RPS6KC1: variants seen among roughly 807,000 people sequenced by gnomAD.
The protein encoded by RPS6KC1 is inactive ribosomal protein S6 kinase delta-1.
Under a neutral mutation model 103.8 loss-of-function variants are expected in RPS6KC1, and 54 were observed. The ratio of observed to expected loss-of-function variants is 0.52; its 90% CI spans 0.42 to 0.65. The LOEUF (loss-of-function observed/expected upper bound fraction) is 0.65, where lower values mean the gene tolerates loss of function less well. Among genes scored for constraint, RPS6KC1 ranks in the 30% least tolerant of loss-of-function variants. The pLI is 0.00. For synonymous variants in RPS6KC1, 439 were observed against 438.7 expected, an observed-to-expected ratio of 1.00 and a Z score of -0.01; for missense variants, 1,151 against 1,253.8, an observed-to-expected ratio of 0.92 and a Z score of 1.24.
At chr1:213,566,248 G>A in the RPS6KC1 span, among the ~76,000 whole-genome samples, 2 of 151,940 alleles carry the variant, frequency 1.3e-5, no homozygotes, top group African/African-American at 2.4e-5. Flanking sequence ...GGGGAAAATG[G>A]ACTGTTGTCA....
chr1:213,197,787 C>T (rs2093007865), intron 8 of RPS6KC1, among the ~76,000 whole-genome samples: 1 of 152,106 alleles, frequency 6.6e-6, no homozygotes, highest in African/African-American at 2.4e-5. Flanking sequence ...TTACTTTCGG[C>T]TTTCATTTGC....
chr1:213,392,225 CTGG>C, the RPS6KC1 span, among the ~76,000 whole-genome samples: 1 of 152,100 alleles, frequency 6.6e-6, no homozygotes, highest in African/African-American at 2.4e-5. Context: ...TGGTCTGCTT[CTGG>C]TGCTGTTGAA....
chr1:213,618,908 G>C, the RPS6KC1 span, among the ~76,000 whole-genome samples: 3 of 152,234 alleles, frequency 2.0e-5, no homozygotes, highest in Non-Finnish European at 4.4e-5. Context: ...AGAGGTACCT[G>C]ACCAGAGGAG....
At chr1:213,752,286 A>AG in the RPS6KC1 span, among the ~76,000 whole-genome samples, 1 of 152,160 alleles carries the variant, frequency 6.6e-6, no homozygotes, top group Admixed American at 6.5e-5. Context: ...AGAGAAAAAA[A>AG]TATTTTGGGC....
chr1:213,138,720 A>G (rs2086666455), intron 6 of RPS6KC1, among the ~76,000 whole-genome samples: 1 of 152,180 alleles, frequency 6.6e-6, no homozygotes, highest in Admixed American at 6.5e-5. Flanking sequence ...AGTATTCTGT[A>G]GTATATCTGT....
At chr1:213,338,021 T>C in the RPS6KC1 span, among the ~76,000 whole-genome samples, 777 of 152,030 alleles carry the variant, frequency 5.1e-3, 4 homozygotes, top group African/African-American at 0.014. Flanking sequence ...TGGTTGAGAG[T>C]GTATGTGGGA....
chr1:213,366,005 ATTAAC>A, the RPS6KC1 span, among the ~76,000 whole-genome samples: 5 of 152,356 alleles, frequency 3.3e-5, no homozygotes, highest in Admixed American at 1.3e-4. Flanking sequence ...AGGGTAGGGA[ATTAAC>A]TTGCAGTTTG....
chr1:213,728,577 A>C, the RPS6KC1 span, among the ~76,000 whole-genome samples: 1 of 152,152 alleles, frequency 6.6e-6, no homozygotes, highest in Non-Finnish European at 1.5e-5. Context: ...AAGAGTACCC[A>C]CTGCCCGGTA....
At chr1:213,639,596 GGT>G in the RPS6KC1 span, among the ~76,000 whole-genome samples, 1 of 151,754 alleles carries the variant, frequency 6.6e-6, no homozygotes, top group Non-Finnish European at 1.5e-5. Flanking sequence ...CTTTACTGAG[GGT>G]GTCTATTATA....
chr1:213,051,481 G>T lies in RPS6KC1; in HGVS notation c.77G>T (p.Gly26Val). The T allele has an allele frequency of 6.2e-7, 1 of 1,613,084 alleles. No individual in the cohort carries two copies. The highest frequency in any genetic ancestry group is 8.5e-7 in the Non-Finnish European group (1 of 1,179,616). The change falls in exon 1 of 15, where the codon GGC (glycine) becomes GTC (valine). Residue 26 changes from glycine (G) to valine (V), a missense_variant. Coordinates refer to ENST00000366960, the MANE Select transcript of RPS6KC1 (RefSeq NM_012424.6). ...TVTEPQRHPR[G>V]YTVYKVTARV... ...ACCGAGCCCCAGCGACACCCGAGGG[G>T]CTACACAGTATATAAGGTCACCGCC...
At chr1:213,614,920 G>A in the RPS6KC1 span, among the ~76,000 whole-genome samples, 15 of 151,922 alleles carry the variant, frequency 9.9e-5, no homozygotes, top group Non-Finnish European at 1.5e-4. Context: ...ATGTTGCCTG[G>A]GCTGGTCTTG....
chr1:213,676,119 C>A, the RPS6KC1 span, among the ~76,000 whole-genome samples: 1 of 152,212 alleles, frequency 6.6e-6, no homozygotes, highest in Non-Finnish European at 1.5e-5. Flanking sequence ...GTTTCTATAC[C>A]TTTACACGTG....
At chr1:213,121,854 T>G (rs548717538) in intron 5 of RPS6KC1, among the ~76,000 whole-genome samples, 1 of 152,292 alleles carries the variant, frequency 6.6e-6, no homozygotes, top group African/African-American at 2.4e-5. Flanking sequence ...AATGATCAGC[T>G]TATTGTATGT....
the RPS6KC1 span, among the ~76,000 whole-genome samples, chr1:213,814,972 A>G: frequency 2.6e-5 from 4 of 152,266 alleles, no homozygotes; most frequent in East Asian, 1.9e-4. Context: ...GAGCCATGAT[A>G]TGGTTTGGCT....
the RPS6KC1 span, among the ~76,000 whole-genome samples, chr1:213,326,787 T>A: frequency 1.3e-5 from 2 of 152,124 alleles, no homozygotes; most frequent in Non-Finnish European, 2.9e-5. Context: ...TAGATACGCA[T>A]TAGGCCACTC....
At chr1:213,612,179 G>A in the RPS6KC1 span, among the ~76,000 whole-genome samples, 1 of 152,202 alleles carries the variant, frequency 6.6e-6, no homozygotes, top group African/African-American at 2.4e-5. Flanking sequence ...TGAATCTCTG[G>A]GTGGTGGAGC....
chr1:213,192,863 G>T (rs2092799191), intron 8 of RPS6KC1, among the ~76,000 whole-genome samples: 1 of 152,052 alleles, frequency 6.6e-6, no homozygotes, highest in Admixed American at 6.6e-5. Flanking sequence ...TGCATTTGCT[G>T]TATCCCATAG....
At chr1:213,523,423 G>A in the RPS6KC1 span, among the ~76,000 whole-genome samples, 7 of 152,136 alleles carry the variant, frequency 4.6e-5, no homozygotes, top group Non-Finnish European at 8.8e-5. Context: ...CACCAATAGA[G>A]TTTCTTGATG....
the RPS6KC1 span, among the ~76,000 whole-genome samples, chr1:213,856,571 C>T: frequency 6.7e-6 from 1 of 150,026 alleles, no homozygotes; most frequent in African/African-American, 2.5e-5. Context: ...TATTTTATGG[C>T]CTCAGCCCAA....
Sources: gnomAD v4.1 joint callset for allele counts (sites outside exome capture counted in the v4.1 genomes callset) on GRCh38, gnomAD v4.1.1 for gene constraint, MANE v1.5 for transcripts, NCBI Gene and HGNC (gene_info 2026-07-23, HGNC 2026-07-21) for gene names.